Variants in COL28A1 observed in about 807,000 individuals in gnomAD.
COL28A1 encodes the protein collagen alpha-1(XXVIII) chain.
COL28A1 carries 161 observed loss-of-function variants against 150.2 expected under a neutral mutation model. The observed-to-expected ratio is 1.07, with a 90% CI of 0.94 to 1.22. The LOEUF (loss-of-function observed/expected upper bound fraction) is 1.22, where lower values mean the gene tolerates loss of function less well. Ranked by LOEUF, COL28A1 falls within the 50% of genes most tolerant of loss-of-function variation. COL28A1 has a pLI of 0.00. For synonymous variants in COL28A1, 552 were observed against 469.7 expected (o/e 1.18, Z -2.26); for missense variants, 1,617 against 1,388.3 (o/e 1.16, Z -2.62).
intron 27 of COL28A1, among the ~76,000 whole-genome samples, chr7:7,399,296 C>A (rs2128297939): frequency 6.6e-6 from 1 of 152,280 alleles, no homozygotes; most frequent in African/African-American, 2.4e-5. Flanking sequence ...TTCCCTGATC[C>A]TCCCTGACCT....
At chr7:7,471,784 A>G (rs1037231504) in intron 15 of COL28A1, among the ~76,000 whole-genome samples, 2 of 152,166 alleles carry the variant, frequency 1.3e-5, no homozygotes, top group Admixed American at 6.5e-5. Context: ...AATCCCAGCT[A>G]CTCAGGAGGC....
chr7:7,542,453 T>A, the COL28A1 span, among the ~76,000 whole-genome samples: 1 of 152,124 alleles, frequency 6.6e-6, no homozygotes, highest in Non-Finnish European at 1.5e-5. Flanking sequence ...AGGTAATGGG[T>A]TTGCTGTATA....
chr7:7,445,653 T>C (rs1211378175), intron 18 of COL28A1, among the ~76,000 whole-genome samples: 2 of 152,092 alleles, frequency 1.3e-5, no homozygotes, highest in African/African-American at 4.8e-5. Flanking sequence ...AGGAAAAAAA[T>C]ATGCTACTTT....
intron 27 of COL28A1, among the ~76,000 whole-genome samples, chr7:7,400,068 A>G (rs1783082991): frequency 6.6e-6 from 1 of 152,226 alleles, no homozygotes; most frequent in Non-Finnish European, 1.5e-5. Flanking sequence ...TCTCTTTTCC[A>G]TTTATCAGTT....
chr7:7,354,222 G>C (rs1045165060), downstream of COL28A1, among the ~76,000 whole-genome samples: 5 of 151,864 alleles, frequency 3.3e-5, no homozygotes, highest in Non-Finnish European at 5.9e-5. Flanking sequence ...TGAAACTTCT[G>C]GGCTCAAGCG....
At position 7,373,800 on chromosome 7, in the gene COL28A1, C is replaced by T. The variant is rs998979401; in HGVS notation, c.2360-254G>A. Among the ~76,000 whole-genome samples, 5 of 151,310 alleles carry T rather than the reference C, an allele frequency of 3.3e-5. No individual in the cohort carries two copies. The highest frequency in any genetic ancestry group is 7.4e-5 in the Non-Finnish European group (5 of 67,848). ...TGCAGGCTCCGTCCCCTGGGATTCA[C>T]GCCATTCTCCAGCCTCAGCCTCCCG... On this transcript the variant is annotated intron_variant, in intron 31 of 34. Coordinates refer to ENST00000399429, the MANE Select transcript of COL28A1 (RefSeq NM_001037763.3). This position sits in a 1 kb window ranked among gnomAD's most constrained non-coding sequence, Gnocchi z 4.1.
chr7:7,457,144 A>G (rs1562714658), intron 15 of COL28A1, among the ~76,000 whole-genome samples: 1 of 152,204 alleles, frequency 6.6e-6, no homozygotes, highest in African/African-American at 2.4e-5. Flanking sequence ...CTTTGAGGCC[A>G]CTGTAAGGAC....
rs556197453 is a variant in COL28A1, at chr7:7,456,938, G to A, written c.1303-826C>T. On this transcript the variant is annotated intron_variant, in intron 15 of 34. Coordinates refer to ENST00000399429, the MANE Select transcript of COL28A1 (RefSeq NM_001037763.3). ...GATGTCCAGAGATGAAGTCACTGAC[G>A]AGAGGGAATGAGCCAGGTAGAAACC... Among the ~76,000 whole-genome samples, 8 of 152,342 alleles carry A rather than the reference G, an allele frequency of 5.3e-5. No individual in the cohort carries two copies. In the South Asian group the frequency reaches 1.7e-3, roughly 32 times the overall value.
intron 25 of COL28A1, among the ~76,000 whole-genome samples, chr7:7,420,551 C>T (rs1233710247): frequency 6.6e-6 from 1 of 152,196 alleles, no homozygotes; most frequent in Non-Finnish European, 1.5e-5. Context: ...CTTCATTAGC[C>T]ACCTTCTGTA....
Position 7,381,549 on chromosome 7 carries a change from G to A in COL28A1, c.2200C>T (p.Gln734Ter), listed in dbSNP as rs76149511. Residue 734 changes from glutamine to a stop codon, truncating the protein, a stop_gained, in exon 28 of 35, where the codon CAG (glutamine) becomes TAG (stop). Coordinates refer to ENST00000399429, the MANE Select transcript of COL28A1 (RefSeq NM_001037763.3). LOFTEE classifies it high-confidence loss of function. ...TAAGATCCTGAGACACTTACCTTCT[G>A]GCCTGGGAGGCCATGGCCCATTGTG... Reference protein sequence around the residue: ...KGTMGHGLPGQKGEHGERGDV... With the variant: ...KGTMGHGLPG The A allele has an allele frequency of 6.2e-6, 10 of 1,612,702 alleles. No homozygotes were observed. Among genetic ancestry groups the A allele is most frequent in the Non-Finnish European group, 8.5e-6 (10 of 1,178,924 alleles).
chr7:7,538,143 T>C (rs954929182), upstream of COL28A1, among the ~76,000 whole-genome samples: 1 of 152,210 alleles, frequency 6.6e-6, no homozygotes, highest in African/African-American at 2.4e-5. Flanking sequence ...TTGGGAAGAT[T>C]ATGCAAAATA....
intron 27 of COL28A1, among the ~76,000 whole-genome samples, chr7:7,397,787 C>G (rs892790576): frequency 6.6e-6 from 1 of 152,136 alleles, no homozygotes; most frequent in Non-Finnish European, 1.5e-5. Flanking sequence ...ACCTTACCCC[C>G]TACACAAATT....
chr7:7,539,797 A>G (rs1324264729), upstream of COL28A1, among the ~76,000 whole-genome samples: 1 of 152,076 alleles, frequency 6.6e-6, no homozygotes, highest in South Asian at 2.1e-4. Flanking sequence ...GGTTTAGAGC[A>G]GTTTCGGGGT....
chr7:7,436,557 C>T (rs559914546), intron 22 of COL28A1, 94 bp from the exon 23 acceptor site: 12 of 791,768 alleles, frequency 1.5e-5, no homozygotes, highest in South Asian at 1.3e-4. Context: ...CTGTAAAGAG[C>T]TTAATCTGTC....
At chr7:7,437,332 A>ATTTTTTTTT in intron 22 of COL28A1, 62 bp downstream of exon 22, 2 of 1,538,776 alleles carry the variant, frequency 1.3e-6, no homozygotes, top group Admixed American at 2.1e-5. Flanking sequence ...TGGTATCATG[A>ATTTTTTTTT]TTTTTTTTTC....
intron 31 of COL28A1, 105 bp downstream of exon 31, chr7:7,375,356 C>G: frequency 9.4e-7 from 1 of 1,059,810 alleles, no homozygotes. Context: ...CACATTTTCC[C>G]GCTAGCTATA....
intron 27 of COL28A1, among the ~76,000 whole-genome samples, chr7:7,393,997 C>A (rs956397081): frequency 2.0e-5 from 3 of 151,524 alleles, no homozygotes; most frequent in Non-Finnish European, 4.4e-5. Flanking sequence ...AACACTCCTG[C>A]AGCTAGCTCG....
Position 7,419,865 on chromosome 7 carries a change from G to A in COL28A1, c.2067+20C>T, listed in dbSNP as rs375609310. On this transcript the variant is annotated intron_variant, in intron 26 of 34. Coordinates refer to ENST00000399429, the MANE Select transcript of COL28A1 (RefSeq NM_001037763.3). ...TGATGATATCTGACCCTCACACAAA[G>A]CACTGAGCTGAGGACTCACCTTTGG... 3.3e-6 allele frequency: 5 copies of A among 1,536,504 alleles called. No individual in the cohort carries two copies. Among genetic ancestry groups the A allele is most frequent in the Middle Eastern group, 1.7e-4 (1 of 5,732 alleles).
upstream of COL28A1, among the ~76,000 whole-genome samples, chr7:7,538,898 C>G (rs1742398854): frequency 6.6e-6 from 1 of 151,842 alleles, no homozygotes; most frequent in Non-Finnish European, 1.5e-5. Flanking sequence ...AAATTAATGA[C>G]CTTCGTACCT....
Sources: gnomAD v4.1 joint callset for allele counts (sites outside exome capture counted in the v4.1 genomes callset) on GRCh38, gnomAD v4.1.1 for gene constraint, Gnocchi (gnomAD v3.1) non-coding constraint, MANE v1.5 for transcripts, NCBI Gene and HGNC (gene_info 2026-07-23, HGNC 2026-07-21) for gene names.